PIK3C3: variants seen among roughly 807,000 people sequenced by gnomAD.
PIK3C3 encodes phosphatidylinositol 3-kinase catalytic subunit type 3.
In PIK3C3, 95 loss-of-function variants were observed where a neutral mutation model predicts 126.1. The observed-to-expected ratio is 0.75, with a 90% CI of 0.64 to 0.89. The LOEUF is 0.89. PIK3C3 is among the 40% of genes least tolerant of loss of function. The pLI, the probability that PIK3C3 is intolerant of heterozygous loss-of-function variation, is 0.00. For synonymous variants in PIK3C3, 374 were observed against 360.0 expected (o/e 1.04, Z -0.44); for missense variants, 829 against 1,063.2 (o/e 0.78, Z 3.06).
intron 24 of PIK3C3, among the ~76,000 whole-genome samples, chr18:42,075,456 C>T (rs1210139151): frequency 1.3e-5 from 2 of 151,816 alleles, no homozygotes; most frequent in African/African-American, 2.4e-5. Flanking sequence ...GCAGAAATAA[C>T]AACAACAGGA....
chr18:42,067,066 TA>T (rs897661321), intron 23 of PIK3C3, among the ~76,000 whole-genome samples: 14 of 151,096 alleles, frequency 9.3e-5, no homozygotes, highest in South Asian at 2.1e-4. Flanking sequence ...GATTTTAGAT[TA>T]AAAAAAAAGG....
At chr18:41,996,783 T>A (rs1245151856) in intron 9 of PIK3C3, 53 bp downstream of exon 9, 1 of 925,448 alleles carries the variant, frequency 1.1e-6, no homozygotes, top group Non-Finnish European at 1.7e-6. Context: ...ACTTTGTTAT[T>A]AATGATCAAG....
rs8095411 is a variant in PIK3C3 at position 42,020,791 on chromosome 18, A to G, written c.1484+86A>G. The G allele has an allele frequency of 0.15, 110,813 of 746,660 alleles. 9,357 individuals are homozygous for G. The highest frequency in any genetic ancestry group is 0.32 in the East Asian group (11,542 of 36,618). 46.3% of individuals were successfully genotyped at this position (746,660 alleles called of 1,614,324 possible). Reference sequence around the variant, plus strand: ...GCTATAAACACAAAGATGATTTAAAATAAGATATGAGCAATCATCAAAAGT... The same window carrying G: ...GCTATAAACACAAAGATGATTTAAAGTAAGATATGAGCAATCATCAAAAGT... On this transcript the variant is annotated intron_variant, in intron 13 of 24. Transcript: ENST00000262039.
intron 21 of PIK3C3, among the ~76,000 whole-genome samples, chr18:42,051,970 A>G (rs1298733443): frequency 6.6e-6 from 1 of 150,732 alleles, no homozygotes; most frequent in African/African-American, 2.4e-5. Context: ...AACTTAAAGT[A>G]TAATAATAAT....
Position 42,029,334 on chromosome 18 carries a change from T to A in PIK3C3, c.1600T>A (p.Ser534Thr), listed in dbSNP as rs963046394. The change falls in exon 15 of 25, where the codon TCT becomes ACT. Residue 534 changes from serine to threonine, a missense_variant. Transcript: ENST00000262039. ...ACTTTGAACCCTTCAGGGTGATAAGTCTGTCAGAGTTATGCGTTCTTTGCT... is the reference window on the plus strand; with the variant it reads ...ACTTTGAACCCTTCAGGGTGATAAGACTGTCAGAGTTATGCGTTCTTTGCT... ...FSQALLKGDK[S>T]VRVMRSLLAA... 6.2e-7 allele frequency: 1 copy of A among 1,612,214 alleles called. No individual in the cohort carries two copies. The highest frequency in any genetic ancestry group is 1.3e-5 in the African/African-American group (1 of 74,876).
At chr18:42,055,434 T>C (rs895572909) in intron 21 of PIK3C3, among the ~76,000 whole-genome samples, 4 of 152,134 alleles carry the variant, frequency 2.6e-5, no homozygotes. Flanking sequence ...GGAGCCTTTT[T>C]AATTCTGAAA....
At chr18:42,053,308 T>G (rs1984888140) in intron 21 of PIK3C3, among the ~76,000 whole-genome samples, 1 of 152,124 alleles carries the variant, frequency 6.6e-6, no homozygotes, top group Non-Finnish European at 1.5e-5. Flanking sequence ...TTCCCAGACC[T>G]TTTTTTGGCC....
chr18:41,973,455 AAGTT>A lies in PIK3C3; in HGVS notation c.531+3005_531+3008del, dbSNP rs891306072. On this transcript the variant is annotated intron_variant, in intron 4 of 24. Transcript: ENST00000262039. ...TTACTCTTTAGTTAATTAATTAATT[AAGTT>A]AGTTAATTTACTAACTTACCGGAGA... Among the ~76,000 whole-genome samples, 571 of 152,212 alleles carry A rather than the reference AAGTT, an allele frequency of 3.8e-3. 7 individuals carry two copies. Among genetic ancestry groups the A allele is most frequent in the African/African-American group, 0.013 (542 of 41,556 alleles).
Position 41,990,513 on chromosome 18 carries a change from A to C in PIK3C3, c.673A>C (p.Lys225Gln). ...CCTGATGGTTGAATTTCGATGTGTC[A>C]AGTGTGATGATAAGGAATATGGTAT... ...MYLMVEFRCV[K>Q]CDDKEYGIVY... Residue 225 changes from lysine (K) to glutamine (Q), a missense_variant, in exon 6 of 25, where the codon AAG becomes CAG. By Grantham distance (53) the Lys-to-Gln change is moderately conservative. This residue lies in a region of PIK3C3 where 313 missense variants were observed against 340.7 expected (regional missense o/e 0.92). Coordinates refer to ENST00000262039, the MANE Select transcript of PIK3C3 (RefSeq NM_002647.4). 6.2e-7 allele frequency: 1 copy of C among 1,603,940 alleles called. No homozygotes were observed.
chr18:42,026,155 A>G (rs1476932383), intron 13 of PIK3C3: 2 of 152,200 alleles, frequency 1.3e-5, no homozygotes, highest in Admixed American at 6.5e-5. Flanking sequence ...CTGGGAGCCC[A>G]AAGTCCTGGG....
At chr18:42,011,143 T>G (rs898426986) in intron 10 of PIK3C3, among the ~76,000 whole-genome samples, 1 of 152,200 alleles carries the variant, frequency 6.6e-6, no homozygotes, top group Non-Finnish European at 1.5e-5. Context: ...GCAATGTAGA[T>G]GTAGCGTAAT....
In PIK3C3 at chr18:42,087,751, A is replaced by G. The variant is rs1422277599; in HGVS notation, c.*6614A>G. On this transcript the variant is annotated 3_prime_UTR_variant, in exon 25 of 25. Coordinates refer to ENST00000262039, the MANE Select transcript of PIK3C3 (RefSeq NM_002647.4). Reference sequence around the variant, plus strand: ...AGATTACCATTTATCAAAGAAAACCAGTGATGTTTAGTTAACTGTTTGTAA... The same window carrying G: ...AGATTACCATTTATCAAAGAAAACCGGTGATGTTTAGTTAACTGTTTGTAA... The G allele has an allele frequency of 1.3e-5, 2 of 152,254 alleles. No individual in the cohort carries two copies. Among genetic ancestry groups the G allele is most frequent in the Non-Finnish European group, 2.9e-5 (2 of 68,038 alleles). The allele number at this position is 152,254 out of a possible 1,614,324, so 9.4% of individuals were successfully genotyped here. A position where few individuals can be genotyped will look rare whatever the true frequency, so the allele number is the denominator to read the frequency against.
chr18:42,063,773 T>C (rs1985421511), intron 22 of PIK3C3, among the ~76,000 whole-genome samples: 1 of 152,134 alleles, frequency 6.6e-6, no homozygotes, highest in African/African-American at 2.4e-5. Context: ...GGTAGATAGC[T>C]GGAATAAAGA....
chr18:42,051,700 G>A (rs1466051534), intron 21 of PIK3C3, among the ~76,000 whole-genome samples: 4 of 151,826 alleles, frequency 2.6e-5, no homozygotes, highest in African/African-American at 9.7e-5. Context: ...AAAACATTAT[G>A]GTGTATTTGG....
chr18:42,076,110 A>ATATATATATATATATATATATG (rs1568013498), intron 24 of PIK3C3, among the ~76,000 whole-genome samples: 1 of 80,312 alleles, frequency 1.2e-5, no homozygotes, highest in African/African-American at 5.3e-5. Context: ...ATATATATAT[A>ATATATATATATATATATATATG]TATATATATA....
In PIK3C3 at chr18:41,996,628, T is replaced by G; in HGVS notation, c.892-10T>G. 1 of 1,420,058 alleles carries G rather than the reference T, an allele frequency of 7.0e-7. No homozygotes were observed. The highest frequency in any genetic ancestry group is 1.3e-5 in the South Asian group (1 of 75,522). 88.0% of individuals were successfully genotyped at this position (1,420,058 alleles called of 1,614,324 possible). A position where few individuals can be genotyped will look rare whatever the true frequency, so the allele number is the denominator to read the frequency against. ...TGACAAAATTAGTTCTTTTTCTTTT[T>G]TTGTTTTAGATTATTGTGAGTTATC... On this transcript the variant is annotated splice_polypyrimidine_tract_variant and intron_variant, in intron 8 of 24. Transcript: ENST00000262039.
chr18:42,058,075 A>G, intron 22 of PIK3C3, 24 bp downstream of exon 22: 1 of 1,533,270 alleles, frequency 6.5e-7, no homozygotes, highest in Non-Finnish European at 8.7e-7. Context: ...CTTGGCACAG[A>G]GAATTTGGGT....
At chr18:41,981,409 A>T (rs1022080611) in intron 4 of PIK3C3, among the ~76,000 whole-genome samples, 2 of 152,218 alleles carry the variant, frequency 1.3e-5, no homozygotes, top group Non-Finnish European at 2.9e-5. Context: ...GTTTAACTAA[A>T]TGAAACTTTT....
intron 18 of PIK3C3, 71 bp from the exon 19 acceptor site, chr18:42,040,606 C>G: frequency 9.5e-7 from 1 of 1,048,202 alleles, no homozygotes; most frequent in Admixed American, 2.0e-5. Context: ...GAGGATTATT[C>G]TTAGCAGAAC....
Sources: allele counts gnomAD v4.1 joint callset (sites outside exome capture counted in the v4.1 genomes callset), GRCh38; gene constraint gnomAD v4.1.1; regional missense constraint gnomAD v4.1.1; transcripts MANE v1.5; gene names NCBI Gene and HGNC (gene_info 2026-07-23, HGNC 2026-07-21).